FUT8: variants seen among roughly 807,000 people sequenced by gnomAD.
The protein encoded by FUT8 is fucosyltransferase 8.
In FUT8, 29 loss-of-function variants were observed where a neutral mutation model predicts 71.3. The ratio of observed to expected loss-of-function variants is 0.41; its 90% CI spans 0.30 to 0.55. The LOEUF (loss-of-function observed/expected upper bound fraction) is 0.55, where lower values mean the gene tolerates loss of function less well. Among genes scored for constraint, FUT8 ranks in the 20% least tolerant of loss-of-function variants. The pLI, the probability that FUT8 is intolerant of heterozygous loss-of-function variation, is 0.34. For missense variants in FUT8, 544 were observed against 702.1 expected (o/e 0.77, Z 2.55); for synonymous variants, 254 against 239.3 (o/e 1.06, Z -0.57).
At position 65,467,943 on chromosome 14, in the gene FUT8, T is replaced by C; in HGVS notation, c.-228+12225T>C. The C allele has an allele frequency of 8.2e-6, 6 of 735,160 alleles. No homozygotes were observed. The Admixed American group carries it at 8.9e-5, about 11-fold the overall frequency. 45.5% of individuals were successfully genotyped at this position (735,160 alleles called of 1,614,324 possible). A position where few individuals can be genotyped will look rare whatever the true frequency, so the allele number is the denominator to read the frequency against. On this transcript the variant is annotated intron_variant, in intron 2 of 10. Transcript: ENST00000673929. This position sits in a 1 kb window ranked among gnomAD's most constrained non-coding sequence, Gnocchi z 4.1. ...GGTACCTTTCTCTTTGGCTTCTTTC[T>C]TTTTCCGATCATTTTCCTTTACGTG...
intron 9 of FUT8, 127 bp downstream of exon 9, chr14:65,724,450 T>G (rs1037608590): frequency 1.6e-5 from 10 of 616,034 alleles, no homozygotes; most frequent in Non-Finnish European, 2.5e-5. Context: ...AAAAATTCAA[T>G]GGACTATGTA....
At position 65,677,188 on chromosome 14, in the gene FUT8, A is replaced by G. The variant is rs538703556; in HGVS notation, c.835+7708A>G. Among the ~76,000 whole-genome samples, 6 of 123,348 alleles carry G rather than the reference A, an allele frequency of 4.9e-5. No individual in the cohort carries two copies. The South Asian group carries it at 8.1e-4, about 17-fold the overall frequency. 80.9% of individuals were successfully genotyped at this position (123,348 alleles called of 152,430 possible). A position where few individuals can be genotyped will look rare whatever the true frequency, so the allele number is the denominator to read the frequency against. Reference sequence around the variant, plus strand: ...TGCGCGCGCACGTATGTGTGTGCGCATGTGTGTTTTTAAGTAATAGACTTT... The same window carrying G: ...TGCGCGCGCACGTATGTGTGTGCGCGTGTGTGTTTTTAAGTAATAGACTTT... On this transcript the variant is annotated intron_variant, in intron 7 of 10. Transcript: ENST00000673929.
At chr14:65,693,453 G>A (rs566380518) in intron 7 of FUT8, among the ~76,000 whole-genome samples, 13 of 152,358 alleles carry the variant, frequency 8.5e-5, no homozygotes, top group African/African-American at 2.4e-4. Flanking sequence ...CCGAGACGGC[G>A]AGATGGCAGC....
intron 2 of FUT8, among the ~76,000 whole-genome samples, chr14:65,480,696 T>C (rs984913062): frequency 5.3e-5 from 8 of 151,980 alleles, no homozygotes; most frequent in Non-Finnish European, 1.2e-4. Flanking sequence ...ACTGTAATTC[T>C]ATTTTTTTTT....
intron 3 of FUT8, among the ~76,000 whole-genome samples, chr14:65,585,488 G>T (rs1489833527): frequency 6.6e-6 from 1 of 152,148 alleles, no homozygotes; most frequent in Non-Finnish European, 1.5e-5. Flanking sequence ...CACCCAGCTG[G>T]AATGATTGAT....
intron 6 of FUT8, among the ~76,000 whole-genome samples, chr14:65,647,155 C>T (rs1197288517): frequency 6.6e-6 from 1 of 152,162 alleles, no homozygotes; most frequent in African/African-American, 2.4e-5. Flanking sequence ...TTATACTAGG[C>T]TCAAGGCTTA....
chr14:65,624,920 G>T (rs1481430577), intron 5 of FUT8, among the ~76,000 whole-genome samples: 1 of 152,158 alleles, frequency 6.6e-6, no homozygotes, highest in African/African-American at 2.4e-5. Context: ...GAAAAAATTA[G>T]CCGGGTGTGG....
intron 2 of FUT8, among the ~76,000 whole-genome samples, chr14:65,523,422 TTTG>T (rs924082440): frequency 7.9e-6 from 1 of 127,262 alleles, no homozygotes; most frequent in Admixed American, 7.7e-5. Flanking sequence ...GATGAGGTTG[TTTG>T]TTTTTTTCTT....
the FUT8 span, among the ~76,000 whole-genome samples, chr14:65,362,084 G>C: frequency 6.6e-6 from 1 of 152,172 alleles, no homozygotes. Context: ...CTCTTTGTCA[G>C]TTCTTTTTAT....
chr14:65,412,510 G>A (rs2065146445), upstream of FUT8: 2 of 359,168 alleles, frequency 5.6e-6, no homozygotes, highest in Non-Finnish European at 1.1e-5. Flanking sequence ...GTGCGAGCCG[G>A]AGCCGGCGTG....
At chr14:65,617,283 ATCTG>A in intron 5 of FUT8, 1 of 1,327,950 alleles carries the variant, frequency 7.5e-7, no homozygotes, top group Non-Finnish European at 9.9e-7. Flanking sequence ...ATAAATAAAA[ATCTG>A]TCTATTGGAA....
the FUT8 span, among the ~76,000 whole-genome samples, chr14:65,365,753 A>G: frequency 5.9e-5 from 9 of 152,296 alleles, no homozygotes; most frequent in Non-Finnish European, 1.3e-4. Flanking sequence ...TTAGCATGCA[A>G]TCAATAAATA....
intron 2 of FUT8, among the ~76,000 whole-genome samples, chr14:65,465,719 T>C (rs2066033225): frequency 2.0e-5 from 3 of 152,220 alleles, no homozygotes; most frequent in Admixed American, 2.0e-4. Flanking sequence ...AAATGTTCCC[T>C]GTGGATTTGA....
intron 2 of FUT8, among the ~76,000 whole-genome samples, chr14:65,524,518 A>G (rs1883310838): frequency 6.6e-6 from 1 of 152,214 alleles, no homozygotes; most frequent in African/African-American, 2.4e-5. Flanking sequence ...GTCATCTGCA[A>G]ACAGGGACAA....
At chr14:65,665,581 G>A (rs969572684) in intron 6 of FUT8, among the ~76,000 whole-genome samples, 1 of 152,084 alleles carries the variant, frequency 6.6e-6, no homozygotes, top group Admixed American at 6.6e-5. Context: ...CCCATTACTG[G>A]ATATATACAC....
At chr14:65,689,701 G>A (rs1053938217) in intron 7 of FUT8, among the ~76,000 whole-genome samples, 1 of 152,110 alleles carries the variant, frequency 6.6e-6, no homozygotes, top group Non-Finnish European at 1.5e-5. Flanking sequence ...ACCGTGCCTG[G>A]CTAATTGTTG....
At chr14:65,645,293 C>T (rs1435645971) in intron 6 of FUT8, among the ~76,000 whole-genome samples, 1 of 152,076 alleles carries the variant, frequency 6.6e-6, no homozygotes, top group Non-Finnish European at 1.5e-5. Context: ...AATACTAAAC[C>T]CCAGAAAAAT....
At chr14:65,635,351 C>G (rs539358259) in intron 6 of FUT8, among the ~76,000 whole-genome samples, 1 of 152,252 alleles carries the variant, frequency 6.6e-6, no homozygotes, top group South Asian at 2.1e-4. Context: ...TCTGATTGCT[C>G]TGGCTAGGAC....
At chr14:65,508,992 A>G (rs952950723) in intron 2 of FUT8, among the ~76,000 whole-genome samples, 4 of 152,036 alleles carry the variant, frequency 2.6e-5, no homozygotes, top group African/African-American at 9.7e-5. Flanking sequence ...TTAAGAAATC[A>G]TTGCCCAGAC....
Sources: gnomAD v4.1 joint callset for allele counts (sites outside exome capture counted in the v4.1 genomes callset) on GRCh38, gnomAD v4.1.1 for gene constraint, Gnocchi (gnomAD v3.1) non-coding constraint, MANE v1.5 for transcripts, NCBI Gene and HGNC (gene_info 2026-07-23, HGNC 2026-07-21) for gene names.